The following RIBC2 variants were observed in gnomAD, a reference collection of about 807,000 sequenced individuals.
The protein encoded by RIBC2 is RIB43A-like with coiled-coils protein 2.
In RIBC2, 40 loss-of-function variants were observed where a neutral mutation model predicts 44.3. The observed-to-expected ratio is 0.90, with a 90% CI of 0.70 to 1.18. RIBC2 has a LOEUF of 1.18. Ranked by LOEUF, RIBC2 falls within the 50% of genes most tolerant of loss-of-function variation. The pLI is 0.00. For synonymous variants in RIBC2, 171 were observed against 175.0 expected (o/e 0.98, Z 0.18); for missense variants, 459 against 485.5 (o/e 0.95, Z 0.51).
intron 1 of RIBC2, 92 bp downstream of exon 1, chr22:45,414,107 C>T (rs1280575724): frequency 1.3e-6 from 2 of 1,507,952 alleles, no homozygotes; most frequent in East Asian, 5.0e-5. Flanking sequence ...TAGGATGAAA[C>T]ATCTGAGCCA....
intron 3 of RIBC2, among the ~76,000 whole-genome samples, chr22:45,418,493 C>T (rs573298845): frequency 6.6e-6 from 1 of 152,326 alleles, no homozygotes; most frequent in East Asian, 1.9e-4. Flanking sequence ...TGTGTCCTCA[C>T]TGAGGTCAGC....
intron 4 of RIBC2, among the ~76,000 whole-genome samples, chr22:45,424,414 C>T (rs1235573403): frequency 2.0e-5 from 3 of 152,242 alleles, no homozygotes; most frequent in African/African-American, 7.2e-5. Flanking sequence ...CTCTGCCCTG[C>T]AGCCTTGGGC....
At chr22:45,423,841 C>T (rs1482993058) in intron 4 of RIBC2, among the ~76,000 whole-genome samples, 2 of 152,168 alleles carry the variant, frequency 1.3e-5, no homozygotes, top group African/African-American at 4.8e-5. Flanking sequence ...GCTGTTTGCT[C>T]CAGTCCCCAC....
At chr22:45,425,866 C>A (rs1602119261) in intron 4 of RIBC2, 82 bp from the exon 5 acceptor site, 1 of 1,206,994 alleles carries the variant, frequency 8.3e-7, no homozygotes, top group East Asian at 2.5e-5. Context: ...CTCGAGGGCC[C>A]CCAGTGAGAT....
rs73889934 is a variant in RIBC2 at position 45,423,337 on chromosome 22, G to A, written c.675+929G>A. ...CCTCCCCCCACAAGGTTTTCTTTTC[G>A]AATGCAATTCTGTTTTCTGGTGGGT... On this transcript the variant is annotated intron_variant, in intron 4 of 6. Coordinates refer to ENST00000614167, the MANE Select transcript of RIBC2 (RefSeq NM_015653.5). Among the ~76,000 whole-genome samples, 787 of 151,600 alleles carry A rather than the reference G, an allele frequency of 5.2e-3. 2 individuals are homozygous for A. Among genetic ancestry groups the A allele is most frequent in the African/African-American group, 0.018 (739 of 41,226 alleles).
At chr22:45,414,158 CT>C in intron 1 of RIBC2, 143 bp downstream of exon 1, 1 of 1,477,894 alleles carries the variant, frequency 6.8e-7, no homozygotes, top group Non-Finnish European at 9.0e-7. Context: ...ATAATGCTCC[CT>C]CTCGAGCTCG....
At chr22:45,415,589 T>G (rs1000848677) in intron 2 of RIBC2, among the ~76,000 whole-genome samples, 1 of 128,300 alleles carries the variant, frequency 7.8e-6, no homozygotes, top group Non-Finnish European at 1.6e-5. Flanking sequence ...GAGAATTGTG[T>G]TTTTTATATA....
At chr22:45,422,890 A>C (rs549181153) in intron 4 of RIBC2, among the ~76,000 whole-genome samples, 95 of 151,494 alleles carry the variant, frequency 6.3e-4, no homozygotes, top group African/African-American at 2.1e-3. Flanking sequence ...CTCCTCTCTA[A>C]ACTCTGGCCC....
chr22:45,431,079 TG>T lies in RIBC2; in HGVS notation c.1070+16del, dbSNP rs1474251612. 6.4e-7 allele frequency: 1 copy of T among 1,563,530 alleles called. No homozygotes were observed. Among genetic ancestry groups the T allele is most frequent in the Admixed American group, 1.9e-5 (1 of 52,476 alleles). ...AGCAGCATTTGCAGTGAGTGCTGGG[TG>T]GGACCAGGGCCAGGTGGGGGACCGG... On this transcript the variant is annotated intron_variant, in intron 6 of 6. Coordinates refer to ENST00000614167, the MANE Select transcript of RIBC2 (RefSeq NM_015653.5).
At chr22:45,421,704 C>T (rs1263375149) in intron 3 of RIBC2, among the ~76,000 whole-genome samples, 2 of 151,650 alleles carry the variant, frequency 1.3e-5, no homozygotes, top group African/African-American at 4.8e-5. Context: ...TAACAGAGCT[C>T]GGAAATGTCT....
chr22:45,431,052 G>A lies in RIBC2; in HGVS notation c.1056G>A (p.Lys352=), dbSNP rs1442043508. 1 of 1,576,138 alleles carries A rather than the reference G, an allele frequency of 6.3e-7. No homozygotes were observed. The highest frequency in any genetic ancestry group is 8.6e-7 in the Non-Finnish European group (1 of 1,161,010). Residue 352 remains lysine (K), a synonymous_variant, in exon 6 of 7, where the codon AAG becomes AAA. Transcript: ENST00000614167. ...ACAGCAGCAACCTCAGCCTGGCCAA[G>A]GAGCAGCATTTGCAGTGAGTGCTGG... is the stretch of plus-strand genomic sequence containing the variant. ...ALDSSNLSLA[K]EQHLQKKYMN... is the part of the protein sequence containing the mutation.
At chr22:45,424,650 C>T (rs940269173) in intron 4 of RIBC2, among the ~76,000 whole-genome samples, 2 of 152,172 alleles carry the variant, frequency 1.3e-5, no homozygotes, top group African/African-American at 2.4e-5. Context: ...ATGGAGCGAC[C>T]GCCAGCCAGA....
chr22:45,426,767 G>A (rs2087538314), intron 5 of RIBC2, among the ~76,000 whole-genome samples: 1 of 152,220 alleles, frequency 6.6e-6, no homozygotes, highest in Admixed American at 6.5e-5. Context: ...TGAGGGGGAA[G>A]GAAGGAGATC....
chr22:45,416,676 A>C (rs1211612463), intron 2 of RIBC2, among the ~76,000 whole-genome samples: 2 of 151,776 alleles, frequency 1.3e-5, no homozygotes, highest in Non-Finnish European at 2.9e-5. Context: ...TGGCCAGGAT[A>C]AGCTCTATCT....
At chr22:45,431,132 T>G in intron 6 of RIBC2, 66 bp downstream of exon 6, 2 of 1,525,296 alleles carry the variant, frequency 1.3e-6, no homozygotes, top group South Asian at 1.2e-5. Context: ...GCTGTGGAGG[T>G]CAAGGACGAG....
rs2087575840 is a variant in RIBC2 at position 45,431,057 on chromosome 22, A to G, written c.1061A>G (p.Gln354Arg). 1.3e-6 allele frequency: 2 copies of G among 1,573,200 alleles called. No homozygotes were observed. Among genetic ancestry groups the G allele is most frequent in the Admixed American group, 1.9e-5 (1 of 53,888 alleles). The change falls in exon 6 of 7, where the codon CAG becomes CGG. Residue 354 changes from glutamine (Q) to arginine (R), a missense_variant. Transcript: ENST00000614167. ...AGCAACCTCAGCCTGGCCAAGGAGC[A>G]GCATTTGCAGTGAGTGCTGGGTGGG... ...DSSNLSLAKE[Q>R]HLQKKYMNEV... is the part of the protein sequence containing the mutation.
At position 45,418,040 on chromosome 22, in the gene RIBC2, T is replaced by G. The variant is rs564569753; in HGVS notation, c.556+94T>G. 7.1e-4 allele frequency: 686 copies of G among 965,582 alleles called. 7 individuals are homozygous for G. Among genetic ancestry groups the G allele is most frequent in the Admixed American group, 1.7e-3 (57 of 33,638 alleles). The allele number at this position is 965,582 out of a possible 1,614,324, so 59.8% of individuals were successfully genotyped here. On this transcript the variant is annotated intron_variant, in intron 3 of 6. Coordinates refer to ENST00000614167, the MANE Select transcript of RIBC2 (RefSeq NM_015653.5). ...TTTTTTTAAGCAACCCTACAGTTTT[T>G]TTTTTTTTTTAAGCAACCCTACAGT...
chr22:45,418,490 T>C (rs1374751717), intron 3 of RIBC2, among the ~76,000 whole-genome samples: 1 of 152,152 alleles, frequency 6.6e-6, no homozygotes, highest in Non-Finnish European at 1.5e-5. Context: ...CCATGTGTCC[T>C]CACTGAGGTC....
chr22:45,429,797 A>G (rs1202413172), intron 5 of RIBC2, among the ~76,000 whole-genome samples: 1 of 152,066 alleles, frequency 6.6e-6, no homozygotes, highest in Non-Finnish European at 1.5e-5. Flanking sequence ...TCTAGTTTTC[A>G]TTTTTTGTAG....
Sources: gnomAD v4.1 joint callset for allele counts (sites outside exome capture counted in the v4.1 genomes callset) on GRCh38, gnomAD v4.1.1 for gene constraint, MANE v1.5 for transcripts, NCBI Gene and HGNC (gene_info 2026-07-23, HGNC 2026-07-21) for gene names.